CSMD3: variants seen among roughly 807,000 people sequenced by gnomAD.
CSMD3 encodes the protein CUB and sushi domain-containing protein 3.
In CSMD3, 177 loss-of-function variants were observed where a neutral mutation model predicts 435.2. The ratio of observed to expected loss-of-function variants is 0.41; its 90% confidence interval spans 0.36 to 0.46. CSMD3 has a LOEUF of 0.46. Among genes scored for constraint, CSMD3 ranks in the 20% least tolerant of loss-of-function variants. The pLI is 0.34. For missense variants in CSMD3, 4,265 were observed against 4,504.6 expected (o/e 0.95, Z 1.52); for synonymous variants, 1,656 against 1,520.5 (o/e 1.09, Z -2.07).
At chr8:113,281,314 G>C (rs533760185) in intron 2 of CSMD3, among the ~76,000 whole-genome samples, 1 of 151,900 alleles carries the variant, frequency 6.6e-6, no homozygotes, top group South Asian at 2.1e-4. Context: ...CATTTCTTAA[G>C]TCTATTGGTA....
intron 52 of CSMD3, among the ~76,000 whole-genome samples, chr8:112,302,308 A>C (rs1025775920): frequency 2.0e-5 from 3 of 152,070 alleles, no homozygotes; most frequent in African/African-American, 7.2e-5. Flanking sequence ...TTAATCCAAA[A>C]TCTTTCTCTG....
intron 6 of CSMD3, among the ~76,000 whole-genome samples, chr8:113,017,444 AT>A (rs5894123): frequency 0.68 from 103,430 of 151,730 alleles, 37,077 homozygotes; most frequent in East Asian, 0.95. Context: ...TAGGAGATCT[AT>A]TTTTTTGCTC....
chr8:112,812,808 T>TAGTC (rs1187634666), intron 12 of CSMD3, among the ~76,000 whole-genome samples: 3 of 152,208 alleles, frequency 2.0e-5, no homozygotes, highest in Non-Finnish European at 4.4e-5. Flanking sequence ...CTAGTCTTCC[T>TAGTC]AGTCAGTCAC....
chr8:113,421,013 G>A (rs2129942957), intron 1 of CSMD3, among the ~76,000 whole-genome samples: 1 of 151,442 alleles, frequency 6.6e-6, no homozygotes, highest in South Asian at 2.1e-4. Flanking sequence ...AAATACTACT[G>A]ATAGAAATAA....
At chr8:113,377,238 A>G in intron 1 of CSMD3, 1 of 687,396 alleles carries the variant, frequency 1.5e-6, no homozygotes, top group South Asian at 3.2e-5. Context: ...AGCCGAGGAT[A>G]CAAAAACAAA....
chr8:112,536,949 C>T (rs1049120332), intron 27 of CSMD3, among the ~76,000 whole-genome samples: 3 of 151,814 alleles, frequency 2.0e-5, no homozygotes, highest in East Asian at 1.9e-4. Context: ...TATTCTCACT[C>T]GTAGGTGGGA....
In CSMD3 at chr8:112,336,672, T is replaced by C. The variant is rs772328909; in HGVS notation, c.6999A>G (p.Ile2333Met). Reference protein sequence around the residue: ...INFTVLQTEPIYDFITVWDGP... With the variant: ...INFTVLQTEPMYDFITVWDGP... ...CTTACCATACAGTAATGAAATCATATATTGGTTCTGTTTGAAGGACAGTAA... is the reference window on the plus strand; with the variant it reads ...CTTACCATACAGTAATGAAATCATACATTGGTTCTGTTTGAAGGACAGTAA... The change falls in exon 44 of 71, where the codon ATA becomes ATG. Residue 2333 changes from isoleucine (I) to methionine (M), a missense_variant. Coordinates refer to ENST00000297405, the MANE Select transcript of CSMD3 (RefSeq NM_198123.2). 9.3e-6 allele frequency: 15 copies of C among 1,611,478 alleles called. No homozygotes were observed. The Admixed American group carries it at 2.3e-4, about 25-fold the overall frequency.
chr8:112,965,813 G>T (rs2084395276), intron 7 of CSMD3, among the ~76,000 whole-genome samples: 1 of 151,632 alleles, frequency 6.6e-6, no homozygotes, highest in Non-Finnish European at 1.5e-5. Context: ...AAAAGAATTA[G>T]AAATATAAAA....
chr8:112,859,192 T>G lies in CSMD3; in HGVS notation c.1708A>C (p.Ser570Arg). 6.2e-7 allele frequency: 1 copy of G among 1,611,124 alleles called. No homozygotes were observed. The highest frequency in any genetic ancestry group is 8.5e-7 in the Non-Finnish European group (1 of 1,177,546). ...ATGACCCAGACACATTGTGCATTGCTGTCATACTGGAACGGAAAGTTGGGA... is the reference window on the plus strand; with the variant it reads ...ATGACCCAGACACATTGTGCATTGCGGTCATACTGGAACGGAAAGTTGGGA... ...TSPNFPFQYD[S>R]NAQCVWVITA... Residue 570 changes from serine to arginine, a missense_variant, in exon 11 of 71, where the codon AGC becomes CGC. Ser to Arg is a moderately radical substitution (Grantham distance 110). Around this residue, in one of 3 missense-constraint regions of CSMD3, gnomAD observed 731 missense variants for 755.4 expected, o/e 0.97. Coordinates refer to ENST00000297405, the MANE Select transcript of CSMD3 (RefSeq NM_198123.2).
At chr8:112,842,857 C>T (rs781676568) in intron 11 of CSMD3, among the ~76,000 whole-genome samples, 9 of 151,562 alleles carry the variant, frequency 5.9e-5, no homozygotes, top group Non-Finnish European at 1.2e-4. Context: ...ATAAAATACT[C>T]AAAGTCAATG....
chr8:113,326,356 T>C (rs2093983835), intron 1 of CSMD3, among the ~76,000 whole-genome samples: 1 of 82,874 alleles, frequency 1.2e-5, no homozygotes, highest in Non-Finnish European at 3.1e-5. Flanking sequence ...TCCCATTATT[T>C]CTAGTTTTTT....
chr8:112,248,121 C>G (rs1814924494), intron 63 of CSMD3, among the ~76,000 whole-genome samples: 1 of 151,946 alleles, frequency 6.6e-6, no homozygotes, highest in Admixed American at 6.6e-5. Flanking sequence ...AGTCATATCT[C>G]CTATCTCCTC....
rs1203991072 is a variant in CSMD3 at position 112,794,285 on chromosome 8, C to CTTTTTTTTTTTTTTTTTTTTTTTTTTT, written c.1972+5876_1972+5877insAAAAAAAAAAAAAAAAAAAAAAAAAAA. On this transcript the variant is annotated intron_variant, in intron 13 of 70. Coordinates refer to ENST00000297405, the MANE Select transcript of CSMD3 (RefSeq NM_198123.2). ...TTGCCCCAGATGCTGGACTGATAAA[C>CTTTTTTTTTTTTTTTTTTTTTTTTTTT]TTTTTTTTTTTTTTTTTTTTTTTTT... Among the ~76,000 whole-genome samples, 2 of 96,302 alleles carry CTTTTTTTTTTTTTTTTTTTTTTTTTTT rather than the reference C, an allele frequency of 2.1e-5. 1 individual carries two copies. The allele number at this position is 96,302 out of a possible 152,430, so 63.2% of individuals were successfully genotyped here.
chr8:113,293,767 G>A (rs2093701520), intron 2 of CSMD3, among the ~76,000 whole-genome samples: 1 of 151,866 alleles, frequency 6.6e-6, no homozygotes, highest in Non-Finnish European at 1.5e-5. Context: ...GTTTGAAACA[G>A]AAATTAAAGA....
intron 5 of CSMD3, among the ~76,000 whole-genome samples, chr8:113,037,617 T>C (rs889884468): frequency 2.0e-5 from 3 of 152,102 alleles, no homozygotes; most frequent in African/African-American, 7.2e-5. Flanking sequence ...TTTGAAAAAA[T>C]GACAAATGTA....
At chr8:112,409,591 TGTTA>T (rs1412006552) in intron 32 of CSMD3, among the ~76,000 whole-genome samples, 1 of 152,060 alleles carries the variant, frequency 6.6e-6, no homozygotes, top group Non-Finnish European at 1.5e-5. Flanking sequence ...AAACATTTAT[TGTTA>T]ATCTTCTGCC....
intron 2 of CSMD3, among the ~76,000 whole-genome samples, chr8:113,299,489 A>C (rs75256587): frequency 9.9e-5 from 15 of 152,154 alleles, no homozygotes; most frequent in Admixed American, 8.5e-4. Context: ...TTTGTTTGCA[A>C]TAACTTTGAA....
Position 113,254,208 on chromosome 8 carries a change from G to C in CSMD3, c.514+24384C>G, listed in dbSNP as rs185879812. Among the ~76,000 whole-genome samples, 830 of 152,288 alleles carry C rather than the reference G, an allele frequency of 5.5e-3. 12 individuals are homozygous for C. The highest frequency in any genetic ancestry group is 0.019 in the African/African-American group (799 of 41,556). On this transcript the variant is annotated intron_variant, in intron 3 of 70. Coordinates refer to ENST00000297405, the MANE Select transcript of CSMD3 (RefSeq NM_198123.2). The stretch of plus-strand genomic sequence containing the variant: ...AAATTTAGGCAGTTAGTGAGGATAA[G>C]AGAGTCCTTGGTAAGGTTTCCCTTC...
chr8:112,982,126 CT>C (rs1486242064), intron 6 of CSMD3, among the ~76,000 whole-genome samples: 1 of 151,798 alleles, frequency 6.6e-6, no homozygotes, highest in Non-Finnish European at 1.5e-5. Context: ...AGTAGTATCA[CT>C]TTAATTTTTC....
Sources: gnomAD v4.1 joint callset for allele counts (sites outside exome capture counted in the v4.1 genomes callset) on GRCh38, gnomAD v4.1.1 for gene constraint, gnomAD v4.1.1 regional missense constraint, MANE v1.5 for transcripts, NCBI Gene and HGNC (gene_info 2026-07-23, HGNC 2026-07-21) for gene names.